Variants in GALNTL6 observed in about 807,000 individuals in gnomAD.
GALNTL6 encodes polypeptide N-acetylgalactosaminyltransferase-like 6.
In GALNTL6, 46 loss-of-function variants were observed where a neutral mutation model predicts 73.7. That is an observed-to-expected ratio of 0.62 (90% CI 0.49 to 0.80). GALNTL6 has a LOEUF of 0.80. Ranked by LOEUF, GALNTL6 falls within the 30% of genes least tolerant of loss-of-function variation. The pLI, the probability that GALNTL6 is intolerant of heterozygous loss-of-function variation, is 0.00. For synonymous variants in GALNTL6, 259 were observed against 263.7 expected (o/e 0.98, Z 0.17); for missense variants, 604 against 755.0 (o/e 0.80, Z 2.34).
At chr4:172,001,008 C>A (rs1250110484) in intron 2 of GALNTL6, among the ~76,000 whole-genome samples, 1 of 152,136 alleles carries the variant, frequency 6.6e-6, no homozygotes, top group Admixed American at 6.6e-5. Flanking sequence ...TGCCATTACT[C>A]TCTGTGTTAC....
chr4:172,090,401 C>T (rs1732168834), intron 2 of GALNTL6, among the ~76,000 whole-genome samples: 2 of 152,124 alleles, frequency 1.3e-5, no homozygotes, highest in Admixed American at 1.3e-4. Flanking sequence ...TTCTAACTGG[C>T]ATGAGATAGT....
rs376353368 is a variant in GALNTL6, at chr4:172,033,677, C to G, written c.139-195979C>G. 7.2e-5 allele frequency among the ~76,000 whole-genome samples: 11 copies of G among 152,118 alleles called. No homozygotes were observed. In the South Asian group the frequency reaches 1.0e-3, roughly 14 times the overall value. On this transcript the variant is annotated intron_variant, in intron 2 of 12. Transcript: ENST00000506823. Reference sequence around the variant, plus strand: ...GATATGAGAAAACTATAGAAATCATCAATTGTCCATGAATAAATTTGGATT... The same window carrying G: ...GATATGAGAAAACTATAGAAATCATGAATTGTCCATGAATAAATTTGGATT...
intron 2 of GALNTL6, among the ~76,000 whole-genome samples, chr4:171,968,705 T>C (rs917046539): frequency 1.3e-5 from 2 of 152,200 alleles, no homozygotes; most frequent in Admixed American, 6.5e-5. Context: ...AAGCCTCAGA[T>C]GATAAGAACT....
intron 5 of GALNTL6, among the ~76,000 whole-genome samples, chr4:172,419,740 C>T (rs1730985034): frequency 6.6e-6 from 1 of 152,134 alleles, no homozygotes; most frequent in South Asian, 2.1e-4. Context: ...TTGTGTCTGT[C>T]TACCTCCTTC....
intron 2 of GALNTL6, among the ~76,000 whole-genome samples, chr4:172,009,494 A>G (rs1740939409): frequency 6.6e-6 from 1 of 152,146 alleles, no homozygotes; most frequent in Admixed American, 6.6e-5. Context: ...ATGACTGCTT[A>G]CTGTATCTGT....
chr4:171,861,602 C>A (rs1048663086), intron 2 of GALNTL6, among the ~76,000 whole-genome samples: 1 of 152,084 alleles, frequency 6.6e-6, no homozygotes, highest in Non-Finnish European at 1.5e-5. Flanking sequence ...GGAAAACTTA[C>A]CGCTTCCCCT....
At chr4:172,731,133 T>C (rs975928734) in intron 5 of GALNTL6, among the ~76,000 whole-genome samples, 2 of 152,058 alleles carry the variant, frequency 1.3e-5, no homozygotes, top group Non-Finnish European at 2.9e-5. Context: ...TATTAGTTCT[T>C]CTTTAAATAT....
At chr4:172,760,375 A>G (rs930780474) in intron 5 of GALNTL6, among the ~76,000 whole-genome samples, 1 of 152,156 alleles carries the variant, frequency 6.6e-6, no homozygotes, top group African/African-American at 2.4e-5. Flanking sequence ...CCTAGAAGTA[A>G]AAGTCTTGGG....
chr4:171,954,750 G>C (rs2111036734), intron 2 of GALNTL6, among the ~76,000 whole-genome samples: 1 of 152,224 alleles, frequency 6.6e-6, no homozygotes, highest in African/African-American at 2.4e-5. Flanking sequence ...GAGGGGCATG[G>C]TGAGAGGTGA....
intron 3 of GALNTL6, among the ~76,000 whole-genome samples, chr4:172,310,452 G>A (rs2111142392): frequency 6.6e-6 from 1 of 152,068 alleles, no homozygotes; most frequent in African/African-American, 2.4e-5. Flanking sequence ...TGTATTTTTA[G>A]TAGAGACGGC....
intron 5 of GALNTL6, among the ~76,000 whole-genome samples, chr4:172,519,211 T>C (rs1300558447): frequency 6.6e-6 from 1 of 150,560 alleles, no homozygotes. Context: ...TTTGTAAATA[T>C]GCAAGAGAGA....
chr4:171,826,805 A>G (rs1734837791), intron 2 of GALNTL6, among the ~76,000 whole-genome samples: 1 of 152,018 alleles, frequency 6.6e-6, no homozygotes, highest in South Asian at 2.1e-4. Context: ...AGAGTAGAAC[A>G]GGAAAACATC....
intron 3 of GALNTL6, among the ~76,000 whole-genome samples, chr4:172,290,016 A>G (rs978972607): frequency 1.2e-4 from 19 of 152,328 alleles, no homozygotes; most frequent in African/African-American, 3.4e-4. Flanking sequence ...CAGTTATTTC[A>G]TCAAAATTTT....
At chr4:172,096,529 CCCTTTTTATAAAAAAAAAA>C (rs1275752433) in intron 2 of GALNTL6, among the ~76,000 whole-genome samples, 1 of 126,954 alleles carries the variant, frequency 7.9e-6, no homozygotes, top group Non-Finnish European at 1.7e-5. Context: ...TTACTGACAG[CCCTTTTTATAAAAAAAAAA>C]CCTTACTATT....
chr4:173,021,770 G>T (rs1257548387), intron 12 of GALNTL6, 145 bp downstream of exon 12: 3 of 761,298 alleles, frequency 3.9e-6, no homozygotes, highest in Non-Finnish European at 6.4e-6. Flanking sequence ...GAGGTGGGCA[G>T]ATCACCTGAG....
chr4:171,817,140 G>T (rs1280836148), intron 2 of GALNTL6, among the ~76,000 whole-genome samples: 1 of 151,972 alleles, frequency 6.6e-6, no homozygotes, highest in Non-Finnish European at 1.5e-5. Flanking sequence ...TGAGGATGAA[G>T]ATAATGTGCA....
chr4:172,262,615 T>A (rs1211656660), intron 3 of GALNTL6, among the ~76,000 whole-genome samples: 1 of 151,632 alleles, frequency 6.6e-6, no homozygotes, highest in African/African-American at 2.4e-5. Context: ...TTTAGGCCAT[T>A]TACCTTCAGT....
At chr4:172,072,691 C>A (rs1389930220) in intron 2 of GALNTL6, among the ~76,000 whole-genome samples, 1 of 152,146 alleles carries the variant, frequency 6.6e-6, no homozygotes, top group African/African-American at 2.4e-5. Flanking sequence ...TTGCCTATAT[C>A]CAGTAACTCC....
intron 3 of GALNTL6, among the ~76,000 whole-genome samples, chr4:172,303,277 C>T (rs1480919852): frequency 7.9e-5 from 12 of 152,152 alleles, no homozygotes; most frequent in Non-Finnish European, 1.6e-4. Context: ...GGATTACAGA[C>T]GTGAGCCACA....
Sources: allele counts gnomAD v4.1 joint callset (sites outside exome capture counted in the v4.1 genomes callset), GRCh38; gene constraint gnomAD v4.1.1; transcripts MANE v1.5; gene names NCBI Gene and HGNC (gene_info 2026-07-23, HGNC 2026-07-21).